Variants in IMPA2 observed in about 807,000 individuals in gnomAD.
IMPA2 encodes the protein IMP 2.
In IMPA2, 32 loss-of-function variants were observed where a neutral mutation model predicts 35.1. The observed-to-expected ratio is 0.91, with a 90% CI of 0.69 to 1.23. The LOEUF (loss-of-function observed/expected upper bound fraction) is 1.23. Among genes scored for constraint, IMPA2 ranks in the 50% most tolerant of loss-of-function variants. IMPA2 has a pLI of 0.00. For missense variants in IMPA2, 334 were observed against 387.6 expected (o/e 0.86, Z 1.16); for synonymous variants, 135 against 160.6 (o/e 0.84, Z 1.20).
In IMPA2 at chr18:12,007,385, C is replaced by T. The variant is rs959305847; in HGVS notation, c.231-2498C>T. 3.3e-5 allele frequency among the ~76,000 whole-genome samples: 5 copies of T among 152,154 alleles called. No homozygotes were observed. The East Asian group carries it at 5.8e-4, about 18-fold the overall frequency. ...TGACTGGCTACTGTAAGGCGCTGAG[C>T]GGTCACAGAGGTTTTCATTTCAGTC... On this transcript the variant is annotated intron_variant, in intron 2 of 7. Coordinates refer to ENST00000269159, the MANE Select transcript of IMPA2 (RefSeq NM_014214.3).
At chr18:11,997,450 C>G (rs1162028519) in intron 1 of IMPA2, among the ~76,000 whole-genome samples, 1 of 152,140 alleles carries the variant, frequency 6.6e-6, no homozygotes, top group Non-Finnish European at 1.5e-5. Flanking sequence ...TTGGTATGAC[C>G]TATCACATTC....
chr18:11,984,825 G>A (rs541561142), intron 1 of IMPA2, among the ~76,000 whole-genome samples: 1 of 151,360 alleles, frequency 6.6e-6, no homozygotes, highest in African/African-American at 2.4e-5. Context: ...AAAATTAGCC[G>A]GGCGTGGTGG....
Position 12,012,210 on chromosome 18 carries a change from C to T in IMPA2, c.376C>T (p.Gln126Ter), listed in dbSNP as rs530117034. ...GGTTAGCATTGGATTTGCTGTTCGA[C>T]AAGAGGTGCGGGTGTGGCCCAGGTC... The part of the protein sequence containing the change: ...VAVSIGFAVR[Q>*]ELEFGVIYHC... Residue 126 changes from glutamine (Q) to a stop codon, truncating the protein, a stop_gained, in exon 4 of 8, where the codon CAA (glutamine) becomes TAA (stop). Transcript: ENST00000269159. LOFTEE classifies it high-confidence loss of function. The T allele has an allele frequency of 4.3e-6, 7 of 1,614,088 alleles. No homozygotes were observed. The Admixed American group carries it at 8.3e-5, about 19-fold the overall frequency.
In IMPA2 at chr18:11,999,170, G is replaced by T. The variant is rs751350184; in HGVS notation, c.213G>T (p.Glu71Asp). 1 of 1,613,828 alleles carries T rather than the reference G, an allele frequency of 6.2e-7. No homozygotes were observed. Among genetic ancestry groups the T allele is most frequent in the Non-Finnish European group, 8.5e-7 (1 of 1,179,856 alleles). Reference protein sequence around the residue: ...VEDLIISELRERFPSHRFIAE... With the variant: ...VEDLIISELRDRFPSHRFIAE... ...ATTTAATTATTTCTGAGTTGCGAGA[G>T]AGGTTTCCTTCACACAGGTAGGTGT... Residue 71 changes from glutamate (E) to aspartate (D), a missense_variant, in exon 2 of 8, where the codon GAG (glutamate) becomes GAT (aspartate). Physicochemically the swap from Glu to Asp is conservative, Grantham distance 45 (BLOSUM62 2). Transcript: ENST00000269159.
intron 5 of IMPA2, among the ~76,000 whole-genome samples, chr18:12,014,749 G>A (rs1907532143): frequency 6.6e-6 from 1 of 152,164 alleles, no homozygotes; most frequent in South Asian, 2.1e-4. Flanking sequence ...AGGCACTGCT[G>A]CCCAGGTGCA....
At chr18:12,008,938 G>A (rs968733364) in intron 2 of IMPA2, among the ~76,000 whole-genome samples, 3 of 152,116 alleles carry the variant, frequency 2.0e-5, no homozygotes, top group African/African-American at 4.8e-5. Flanking sequence ...GGAGCAGGCC[G>A]CCCATGTCCC....
rs745967479 is a variant in IMPA2 at position 12,028,126 on chromosome 18, C to T, written c.574C>T (p.Arg192Trp). ...GAAGCTGTTCCTGAGTAACATGGAG[C>T]GGCTGCTGCATGCCAAGGCGCATGG... Reference protein sequence around the residue: ...TLKLFLSNMERLLHAKAHGVR... With the variant: ...TLKLFLSNMEWLLHAKAHGVR... The change falls in exon 6 of 8, where the codon CGG becomes TGG. Residue 192 changes from arginine (R) to tryptophan (W), a missense_variant. Arg to Trp is a moderately radical substitution (Grantham distance 101). Coordinates refer to ENST00000269159, the MANE Select transcript of IMPA2 (RefSeq NM_014214.3). 97 of 1,613,438 alleles carry T rather than the reference C, an allele frequency of 6.0e-5. No homozygotes were observed. The South Asian group carries it at 9.1e-4, about 15-fold the overall frequency.
intron 2 of IMPA2, among the ~76,000 whole-genome samples, chr18:12,007,816 C>T (rs1907320814): frequency 6.7e-6 from 1 of 150,176 alleles, no homozygotes; most frequent in South Asian, 2.1e-4. Context: ...TCACTCTTGT[C>T]ACCCCGGCTG....
In IMPA2 at chr18:12,014,256, C is replaced by T. The variant is rs557939558; in HGVS notation, c.382-9C>T. The T allele has an allele frequency of 8.9e-5, 143 of 1,604,502 alleles. 1 individual carries two copies. In the Admixed American group the frequency reaches 2.1e-3, roughly 23 times the overall value. On this transcript the variant is annotated splice_polypyrimidine_tract_variant and intron_variant, in intron 4 of 7. Coordinates refer to ENST00000269159, the MANE Select transcript of IMPA2 (RefSeq NM_014214.3). Reference sequence around the variant, plus strand: ...TCTTTGTTTTCTGTCCTGCCTCTGCCGCCCACAGCTTGAATTCGGAGTGAT... The same window carrying T: ...TCTTTGTTTTCTGTCCTGCCTCTGCTGCCCACAGCTTGAATTCGGAGTGAT...
At chr18:12,001,708 G>T (rs672917) in intron 2 of IMPA2, among the ~76,000 whole-genome samples, 63,017 of 152,076 alleles carry the variant, frequency 0.41, 15,075 homozygotes, top group East Asian at 0.64. Context: ...AGAGTTCCTT[G>T]GGAAAACCAT....
intron 5 of IMPA2, among the ~76,000 whole-genome samples, chr18:12,027,567 A>ACT (rs754497663): frequency 1.1e-5 from 1 of 90,980 alleles, no homozygotes; most frequent in Non-Finnish European, 2.0e-5. Context: ...AATGATGGTG[A>ACT]TTTTTTTTTT....
intron 2 of IMPA2, among the ~76,000 whole-genome samples, chr18:11,999,968 G>A (rs1445575979): frequency 6.6e-6 from 1 of 152,092 alleles, no homozygotes; most frequent in Non-Finnish European, 1.5e-5. Flanking sequence ...ACCATGCAAG[G>A]GATCTTTTTT....
At chr18:11,992,499 C>T (rs1906845714) in intron 1 of IMPA2, among the ~76,000 whole-genome samples, 1 of 152,154 alleles carries the variant, frequency 6.6e-6, no homozygotes, top group African/African-American at 2.4e-5. Context: ...TTGGACGTCT[C>T]CATGAATATG....
At position 11,989,613 on chromosome 18, in the gene IMPA2, C is replaced by G. The variant is rs551839761; in HGVS notation, c.96+7848C>G. ...TATCATTTCCTACCCATTTTGCTAA[C>G]AAAAGCTGTCTCAGAAGAAGGGGGA... On this transcript the variant is annotated intron_variant, in intron 1 of 7. Transcript: ENST00000269159. Among the ~76,000 whole-genome samples the G allele has an allele frequency of 1.6e-4, 24 of 152,292 alleles. No homozygotes were observed. In the East Asian group the frequency reaches 4.1e-3, roughly 26 times the overall value.
chr18:11,987,308 A>G (rs768872091), intron 1 of IMPA2, among the ~76,000 whole-genome samples: 1 of 152,122 alleles, frequency 6.6e-6, no homozygotes, highest in African/African-American at 2.4e-5. Context: ...GTACATCACT[A>G]TTCATTCAAC....
At chr18:12,004,128 C>G (rs971768206) in intron 2 of IMPA2, among the ~76,000 whole-genome samples, 1 of 152,200 alleles carries the variant, frequency 6.6e-6, no homozygotes, top group African/African-American at 2.4e-5. Flanking sequence ...CAGCCACCAC[C>G]AGCTGAACAT....
At chr18:11,996,446 C>T (rs1906960511) in intron 1 of IMPA2, among the ~76,000 whole-genome samples, 1 of 152,188 alleles carries the variant, frequency 6.6e-6, no homozygotes, top group South Asian at 2.1e-4. Context: ...ATACCAGCCA[C>T]CCTTGCAGGT....
intron 1 of IMPA2, among the ~76,000 whole-genome samples, chr18:11,984,703 C>T (rs905398854): frequency 1.7e-4 from 26 of 151,734 alleles, no homozygotes; most frequent in African/African-American, 6.3e-4. Flanking sequence ...CGCGGTGGCT[C>T]ACGCCTGTAA....
chr18:12,015,258 A>T (rs1907545949), intron 5 of IMPA2, among the ~76,000 whole-genome samples: 1 of 151,632 alleles, frequency 6.6e-6, no homozygotes. Flanking sequence ...TGCCAGTTAC[A>T]CTCTTTCTTC....
Sources: allele counts gnomAD v4.1 joint callset (sites outside exome capture counted in the v4.1 genomes callset), GRCh38; gene constraint gnomAD v4.1.1; transcripts MANE v1.5; gene names NCBI Gene and HGNC (gene_info 2026-07-23, HGNC 2026-07-21).